The following APOO variants were observed in gnomAD, a reference collection of about 807,000 sequenced individuals.
APOO encodes the protein apolipoprotein O.
A neutral mutation model predicts 23.1 loss-of-function variants in APOO; 11 were observed. The observed-to-expected ratio is 0.48, with a 90% CI of 0.30 to 0.79. APOO has a LOEUF of 0.79. Ranked by LOEUF, APOO falls within the 30% of genes least tolerant of loss-of-function variation. The pLI is 0.07. For synonymous variants in APOO, 59 were observed against 54.8 expected (o/e 1.08, Z -0.34); for missense variants, 160 against 142.7 (o/e 1.12, Z -0.62).
chrX:23,891,371 C>T (rs1218829978), intron 1 of APOO, among the ~76,000 whole-genome samples: 6 of 111,291 alleles, frequency 5.4e-5, no homozygotes, highest in South Asian at 3.8e-4. Flanking sequence ...GGATTACAGG[C>T]GCCCGCCACC....
At position 23,880,918 on chromosome X, in the gene APOO, C is replaced by T; in HGVS notation, c.44G>A (p.Ser15Asn). 1 of 1,189,309 alleles carries T rather than the reference C, an allele frequency of 8.4e-7. No individual in the cohort carries two copies. Reference sequence around the variant, plus strand: ...TGCATAGACTTTGAAGGTGAGCAAGCTCAGGCTGGCTGGCCCCACGGACCT... The same window carrying T: ...TGCATAGACTTTGAAGGTGAGCAAGTTCAGGCTGGCTGGCCCCACGGACCT... ...IQRSVGPASL[S>N]LLTFKVYAAP... The change falls in exon 2 of 9, where the codon AGC (serine) becomes AAC (asparagine). Residue 15 changes from serine to asparagine, a missense_variant. Physicochemically the swap from Ser to Asn is conservative, Grantham distance 46 (BLOSUM62 1). Transcript: ENST00000379226.
chrX:23,889,132 ACT>A (rs1036440967), intron 1 of APOO, among the ~76,000 whole-genome samples: 11 of 110,315 alleles, frequency 1.0e-4, no homozygotes, highest in Non-Finnish European at 1.9e-4. Context: ...ACTGAGCAAG[ACT>A]CTGCCTCAAA....
intron 7 of APOO, among the ~76,000 whole-genome samples, chrX:23,843,106 A>T (rs911041421): frequency 8.9e-6 from 1 of 112,024 alleles, no homozygotes; most frequent in Non-Finnish European, 1.9e-5. Context: ...AATACTTCCA[A>T]TGATATTCTT....
intron 7 of APOO, among the ~76,000 whole-genome samples, chrX:23,850,602 G>A (rs747972600): frequency 3.6e-5 from 4 of 111,760 alleles, no homozygotes; most frequent in African/African-American, 6.5e-5. Flanking sequence ...TGAGGAGGGC[G>A]GATCACCTGA....
intron 2 of APOO, among the ~76,000 whole-genome samples, chrX:23,879,489 A>G (rs1295877079): frequency 8.9e-6 from 1 of 112,116 alleles, no homozygotes; most frequent in Admixed American, 9.5e-5. Flanking sequence ...GTTACAAGCA[A>G]CCTGAACTTT....
chrX:23,905,011 C>G (rs1193618205), intron 1 of APOO, among the ~76,000 whole-genome samples: 1 of 111,168 alleles, frequency 9.0e-6, no homozygotes, highest in Non-Finnish European at 1.9e-5. Context: ...CTGGCCTCCC[C>G]CTTTCCTCTG....
intron 1 of APOO, among the ~76,000 whole-genome samples, chrX:23,884,415 G>A (rs1048185349): frequency 8.9e-6 from 1 of 111,732 alleles, no homozygotes; most frequent in Non-Finnish European, 1.9e-5. Context: ...GAAGAGTGAC[G>A]ATGACCTTGG....
chrX:23,857,142 C>A (rs781207153), intron 6 of APOO, among the ~76,000 whole-genome samples: 3 of 109,530 alleles, frequency 2.7e-5, no homozygotes, highest in African/African-American at 1.0e-4. Context: ...AGGTACTAGG[C>A]TTATTACCCG....
chrX:23,839,728 TAAC>T (rs1202676291), intron 8 of APOO, among the ~76,000 whole-genome samples: 1 of 111,707 alleles, frequency 9.0e-6, no homozygotes, highest in African/African-American at 3.2e-5. Context: ...TTTTTTCATT[TAAC>T]AATAATTGTG....
chrX:23,900,731 C>G (rs1440358832), intron 1 of APOO, among the ~76,000 whole-genome samples: 1 of 104,435 alleles, frequency 9.6e-6, no homozygotes, highest in Non-Finnish European at 2.0e-5. Context: ...AGAAACACAA[C>G]TAGAACCTGA....
At chrX:23,889,667 T>G (rs1030136990) in intron 1 of APOO, among the ~76,000 whole-genome samples, 1 of 100,795 alleles carries the variant, frequency 9.9e-6, no homozygotes, top group African/African-American at 3.7e-5. Flanking sequence ...TTTTTTTTTT[T>G]TTTTTTTTTT....
chrX:23,847,298 C>T (rs1763576367), intron 7 of APOO, among the ~76,000 whole-genome samples: 1 of 111,522 alleles, frequency 9.0e-6, no homozygotes, highest in Admixed American at 9.6e-5. Context: ...AATCTATAAA[C>T]CCGTAATGAT....
intron 5 of APOO, among the ~76,000 whole-genome samples, chrX:23,867,442 T>C (rs1363290722): frequency 1.8e-5 from 2 of 111,529 alleles, no homozygotes; most frequent in African/African-American, 6.5e-5. Context: ...TGCTCCCCCT[T>C]TGCCTTCCAC....
chrX:23,877,681 G>A (rs1007318322), intron 3 of APOO, among the ~76,000 whole-genome samples: 1 of 109,739 alleles, frequency 9.1e-6, no homozygotes, highest in Non-Finnish European at 1.9e-5. Flanking sequence ...GGCTGAGGCG[G>A]GAGAACTGCT....
chrX:23,847,034 CA>C (rs200439954), intron 7 of APOO, among the ~76,000 whole-genome samples: 5,601 of 110,701 alleles, frequency 0.051, 135 homozygotes, highest in Middle Eastern at 0.079. Flanking sequence ...AAAAAGTGGC[CA>C]AAAGACATGA....
intron 7 of APOO, among the ~76,000 whole-genome samples, chrX:23,846,135 T>C (rs1369993171): frequency 9.5e-6 from 1 of 105,157 alleles, no homozygotes; most frequent in Non-Finnish European, 1.9e-5. Flanking sequence ...CGAAACCCCG[T>C]CTCTACTAAA....
chrX:23,855,673 C>T (rs904259839), intron 7 of APOO, among the ~76,000 whole-genome samples: 2 of 111,134 alleles, frequency 1.8e-5, no homozygotes, highest in Non-Finnish European at 3.8e-5. Context: ...ATGTTCCAAG[C>T]GAACATAGGC....
At position 23,840,334 on chromosome X, in the gene APOO, G is replaced by A. The variant is rs751451904; in HGVS notation, c.*8C>T. ...TTACCTGATTAAGATGGCAGAGCAT[G>A]GAGTTTTCTACTTAGTTCCAGGTGA... On this transcript the variant is annotated 3_prime_UTR_variant, in exon 8 of 9. Transcript: ENST00000379226. The A allele has an allele frequency of 2.5e-6, 3 of 1,189,523 alleles. No homozygotes were observed. The highest frequency in any genetic ancestry group is 3.6e-5 in the African/African-American group (2 of 56,276).
Position 23,837,958 on chromosome X carries a change from CCTATCTATCTAT to C in APOO, c.*29+2343_*29+2354del, listed in dbSNP as rs76055034. Among the ~76,000 whole-genome samples, 3,243 of 94,945 alleles carry C rather than the reference CCTATCTATCTAT, an allele frequency of 0.034. 276 individuals carry two copies. In the East Asian group the frequency reaches 0.4, roughly 12 times the overall value. 82.4% of individuals were successfully genotyped at this position (94,945 alleles called of 115,157 possible). ...TACAGGTGTGAGCCACTGCACCCGGCCTATCTATCTATCTATCTATCTATCTATCTATCTATC... is the reference window on the plus strand; with the variant it reads ...TACAGGTGTGAGCCACTGCACCCGGCCTATCTATCTATCTATCTATCTATC... On this transcript the variant is annotated intron_variant, in intron 8 of 8. Coordinates refer to ENST00000379226, the MANE Select transcript of APOO (RefSeq NM_024122.5).
Sources: gnomAD v4.1 joint callset for allele counts (sites outside exome capture counted in the v4.1 genomes callset) on GRCh38, gnomAD v4.1.1 for gene constraint, MANE v1.5 for transcripts, NCBI Gene and HGNC (gene_info 2026-07-23, HGNC 2026-07-21) for gene names.